Variants in GLIS1 observed in about 807,000 individuals in gnomAD.
The protein encoded by GLIS1 is GLIS family zinc finger 1.
A neutral mutation model predicts 63.8 loss-of-function variants in GLIS1; 24 were observed. The observed-to-expected ratio is 0.38, with a 90% CI of 0.27 to 0.53. The LOEUF is 0.53. Ranked by LOEUF, GLIS1 falls within the 20% of genes least tolerant of loss-of-function variation. The probability of loss-of-function intolerance (pLI) is 0.85; values close to 1 mark genes in which losing one functional copy is unlikely to be tolerated. For synonymous variants in GLIS1, 450 were observed against 482.5 expected (o/e 0.93, Z 0.88); for missense variants, 1,036 against 1,074.1 (o/e 0.96, Z 0.50).
intron 4 of GLIS1, among the ~76,000 whole-genome samples, chr1:53,553,662 C>T (rs778386467): frequency 1.8e-4 from 28 of 152,150 alleles, no homozygotes; most frequent in African/African-American, 6.3e-4. Context: ...GGGGCCTTTG[C>T]GACTTGCAGG....
chr1:53,562,238 C>T (rs887449802), intron 4 of GLIS1, among the ~76,000 whole-genome samples: 5 of 152,154 alleles, frequency 3.3e-5, no homozygotes, highest in African/African-American at 1.2e-4. Context: ...TCTCTTCTTA[C>T]AAAGATGCTA....
At position 53,574,318 on chromosome 1, in the gene GLIS1, G is replaced by A. The variant is rs761934471; in HGVS notation, c.1320+19790C>T. On this transcript the variant is annotated intron_variant, in intron 4 of 10. Coordinates refer to ENST00000628545, the MANE Select transcript of GLIS1 (RefSeq NM_001367484.1). This position sits in a 1 kb window ranked among gnomAD's most constrained non-coding sequence, Gnocchi z 4.2. ...ACTGCTCTGTCCCAGAATATGCACC[G>A]CTCTGTACCCAGAACATGCACATGG... 3.1e-4 allele frequency among the ~76,000 whole-genome samples: 47 copies of A among 152,154 alleles called. No individual in the cohort carries two copies. Among genetic ancestry groups the A allele is most frequent in the Non-Finnish European group, 5.4e-4 (37 of 68,036 alleles).
At chr1:53,627,284 A>AATTCATTTT (rs1354250470) in intron 2 of GLIS1, among the ~76,000 whole-genome samples, 9 of 152,278 alleles carry the variant, frequency 5.9e-5, no homozygotes, top group Admixed American at 5.2e-4. Flanking sequence ...TTTCAGTGAC[A>AATTCATTTT]ATTCATTTTC....
At chr1:53,523,093 C>A (rs569014152) in intron 6 of GLIS1, among the ~76,000 whole-genome samples, 1 of 151,128 alleles carries the variant, frequency 6.6e-6, no homozygotes, top group Admixed American at 6.6e-5. Context: ...TTCCGAGTAG[C>A]TGGCGAGCTA....
chr1:53,712,632 G>A (rs1400587978), intron 2 of GLIS1, among the ~76,000 whole-genome samples: 1 of 152,236 alleles, frequency 6.6e-6, no homozygotes, highest in Non-Finnish European at 1.5e-5. Context: ...GGAGAGGTCA[G>A]CAAGCATCCC....
At chr1:53,694,656 C>T (rs1646445697) in intron 2 of GLIS1, among the ~76,000 whole-genome samples, 1 of 152,218 alleles carries the variant, frequency 6.6e-6, no homozygotes, top group Admixed American at 6.5e-5. Flanking sequence ...GGGCAGGCTG[C>T]TCAAGGGCTC....
chr1:53,554,638 C>G (rs79041677), intron 4 of GLIS1, among the ~76,000 whole-genome samples: 3 of 152,078 alleles, frequency 2.0e-5, no homozygotes, highest in Admixed American at 6.5e-5. Context: ...TATTGCCCCC[C>G]CAGGGCAACA....
chr1:53,707,271 G>A (rs1173589), intron 2 of GLIS1, among the ~76,000 whole-genome samples: 76,184 of 152,004 alleles, frequency 0.5, 20,728 homozygotes, highest in Non-Finnish European at 0.6. Flanking sequence ...AAGACCATGA[G>A]GCTGTTATCT....
intron 2 of GLIS1, among the ~76,000 whole-genome samples, chr1:53,633,074 G>A (rs1461194016): frequency 9.5e-5 from 14 of 146,880 alleles, no homozygotes; most frequent in Non-Finnish European, 1.8e-4. Flanking sequence ...GAGTGTGGCT[G>A]AGGGGCGTGT....
At chr1:53,610,183 C>T (rs556814897) in intron 2 of GLIS1, among the ~76,000 whole-genome samples, 2 of 152,234 alleles carry the variant, frequency 1.3e-5, no homozygotes, top group South Asian at 2.1e-4. Flanking sequence ...ATTTTTAAAT[C>T]GTTACCAGAT....
rs554825181 is a variant in GLIS1, at chr1:53,646,703, G to T, written c.260-46425C>A. Among the ~76,000 whole-genome samples, 4 of 152,200 alleles carry T rather than the reference G, an allele frequency of 2.6e-5. No individual in the cohort carries two copies. The highest frequency in any genetic ancestry group is 2.6e-4 in the Admixed American group (4 of 15,286). ...CGCACATCTGTGGTCCCAGCTACTT[G>T]GGAGGCTAAGGGAGGAGGACTGTTT... On this transcript the variant is annotated intron_variant, in intron 2 of 10. Transcript: ENST00000628545. This position sits in a 1 kb window ranked among gnomAD's most constrained non-coding sequence, Gnocchi z 4.2.
chr1:53,652,508 AT>A (rs1035352451), intron 2 of GLIS1, among the ~76,000 whole-genome samples: 5 of 152,078 alleles, frequency 3.3e-5, no homozygotes, highest in African/African-American at 1.2e-4. Flanking sequence ...GCCCCAAACC[AT>A]TCTGGGATGA....
At chr1:53,590,067 G>A (rs1041677219) in intron 4 of GLIS1, among the ~76,000 whole-genome samples, 1 of 152,198 alleles carries the variant, frequency 6.6e-6, no homozygotes, top group Non-Finnish European at 1.5e-5. Context: ...TAAATCAGCT[G>A]TAAATAACCC....
At position 53,724,922 on chromosome 1, in the gene GLIS1, A is replaced by G. The variant is rs765375036; in HGVS notation, c.259+12884T>C. On this transcript the variant is annotated intron_variant, in intron 2 of 10. Transcript: ENST00000628545. ...TAATGAAAAAAAATGAGGAGGAGAA[A>G]GAGGAATAGGAGGCGAGTCTCCAAC... Among the ~76,000 whole-genome samples the G allele has an allele frequency of 5.9e-5, 9 of 152,316 alleles. No homozygotes were observed. The South Asian group carries it at 6.2e-4, about 11-fold the overall frequency.
intron 4 of GLIS1, among the ~76,000 whole-genome samples, chr1:53,530,406 T>C (rs1006509014): frequency 7.9e-5 from 12 of 152,104 alleles, no homozygotes; most frequent in African/African-American, 2.9e-4. Flanking sequence ...CTCTGCGCCT[T>C]GTTTCCTTGT....
intron 2 of GLIS1, among the ~76,000 whole-genome samples, chr1:53,698,528 G>A (rs1287705798): frequency 2.0e-5 from 3 of 152,220 alleles, no homozygotes; most frequent in East Asian, 1.9e-4. Context: ...CCAAGCACGC[G>A]CCACTGCTTG....
chr1:53,637,341 T>C (rs974432202), intron 2 of GLIS1, among the ~76,000 whole-genome samples: 3 of 152,140 alleles, frequency 2.0e-5, no homozygotes, highest in African/African-American at 7.2e-5. Context: ...AGGAGGGTGA[T>C]GACGGGAGGA....
intron 4 of GLIS1, among the ~76,000 whole-genome samples, chr1:53,566,089 C>T (rs7554089): frequency 0.053 from 8,106 of 152,080 alleles, 698 homozygotes; most frequent in African/African-American, 0.19. Context: ...TTATGATAAC[C>T]TCAATAGACT....
Position 53,600,172 on chromosome 1 carries a change from A to T in GLIS1, c.366T>A (p.Pro122=). Residue 122 remains proline (P), a synonymous_variant, in exon 3 of 11, where the codon CCT becomes CCA. Transcript: ENST00000628545. ...GPTCCQGLFL[P]AGSPPPRAHP... ...GAGCCCGGGGCGGTGGGCTTCCTGC[A>T]GGGAGAAACAGGCCCTGGCAGCAGG... The T allele has an allele frequency of 8.1e-7, 1 of 1,231,594 alleles. No homozygotes were observed. The highest frequency in any genetic ancestry group is 1.0e-6 in the Non-Finnish European group (1 of 987,474). 76.3% of individuals were successfully genotyped at this position (1,231,594 alleles called of 1,614,324 possible).
Sources: allele counts gnomAD v4.1 joint callset (sites outside exome capture counted in the v4.1 genomes callset), GRCh38; gene constraint gnomAD v4.1.1; non-coding constraint Gnocchi (gnomAD v3.1); transcripts MANE v1.5; gene names NCBI Gene and HGNC (gene_info 2026-07-23, HGNC 2026-07-21).